The following IRAG2 variants were observed in gnomAD, a reference collection of about 807,000 sequenced individuals.
IRAG2 encodes lymphoid restricted membrane protein.
A neutral mutation model predicts 69.9 loss-of-function variants in IRAG2; 45 were observed. The observed-to-expected ratio is 0.64, with a 90% CI of 0.51 to 0.83. IRAG2 has a LOEUF of 0.83. Ranked by LOEUF, IRAG2 falls within the 40% of genes least tolerant of loss-of-function variation. The pLI is 0.00. For synonymous variants in IRAG2, 193 were observed against 202.4 expected (o/e 0.95, Z 0.40); for missense variants, 520 against 587.0 (o/e 0.89, Z 1.18).
rs768998142 is a variant in IRAG2, at chr12:25,079,791, T to G, written c.244+28T>G. Reference sequence around the variant, plus strand: ...AAAATGTTGACAGGTGTAAGCATGATTTTAATTCTAAAACACGAAGCAAGT... The same window carrying G: ...AAAATGTTGACAGGTGTAAGCATGAGTTTAATTCTAAAACACGAAGCAAGT... On this transcript the variant is annotated intron_variant, in intron 9 of 21. Coordinates refer to ENST00000556887, the MANE Select transcript of IRAG2 (RefSeq NM_001366544.2). The G allele has an allele frequency of 8.3e-6, 12 of 1,445,002 alleles. 1 individual carries two copies. In the South Asian group the frequency reaches 9.2e-5, roughly 11 times the overall value. 89.5% of individuals were successfully genotyped at this position (1,445,002 alleles called of 1,614,324 possible). A position where few individuals can be genotyped will look rare whatever the true frequency, so the allele number is the denominator to read the frequency against.
chr12:25,107,273 T>C (rs1234892739), intron 21 of IRAG2, among the ~76,000 whole-genome samples: 2 of 152,224 alleles, frequency 1.3e-5, no homozygotes, highest in African/African-American at 4.8e-5. Flanking sequence ...TGTTATATTC[T>C]ATTTTATGTT....
chr12:25,012,322 T>C (rs1466721924), intron 3 of IRAG2, among the ~76,000 whole-genome samples: 1 of 151,406 alleles, frequency 6.6e-6, no homozygotes, highest in Non-Finnish European at 1.5e-5. Flanking sequence ...GCCCGGCTAA[T>C]GCTTGTATTT....
chr12:25,017,168 C>T, exon 6 of IRAG2: 1 of 1,231,892 alleles, frequency 8.1e-7, no homozygotes, highest in Non-Finnish European at 1.0e-6. Flanking sequence ...CGTAGCAGAC[C>T]TTCATTTCAA....
intron 15 of IRAG2, among the ~76,000 whole-genome samples, chr12:25,098,320 C>G (rs1300521923): frequency 6.6e-6 from 1 of 152,194 alleles, no homozygotes; most frequent in African/African-American, 2.4e-5. Flanking sequence ...AATTTCCCAC[C>G]CTTTCCTTTC....
At chr12:25,008,115 A>T (rs1029556510) in intron 2 of IRAG2, among the ~76,000 whole-genome samples, 1 of 152,182 alleles carries the variant, frequency 6.6e-6, no homozygotes, top group Admixed American at 6.5e-5. Context: ...TTGATGATGA[A>T]GGCCTAGACC....
At chr12:25,084,731 A>G (rs1036740154) in intron 10 of IRAG2, among the ~76,000 whole-genome samples, 2 of 152,192 alleles carry the variant, frequency 1.3e-5, no homozygotes, top group African/African-American at 4.8e-5. Flanking sequence ...TTCTAAAGAT[A>G]GTGAAATGAT....
rs1053359930 is a variant in IRAG2 at position 25,106,854 on chromosome 12, T to C, written c.1149-89T>C. On this transcript the variant is annotated intron_variant, in intron 20 of 21. Coordinates refer to ENST00000556887, the MANE Select transcript of IRAG2 (RefSeq NM_001366544.2). ...ACAGAACAAATATTTGTGAGCCTCTTGAGTTACAGTAAGATTCAGCAATAT... is the reference window on the plus strand; with the variant it reads ...ACAGAACAAATATTTGTGAGCCTCTCGAGTTACAGTAAGATTCAGCAATAT... The C allele has an allele frequency of 3.3e-5, 16 of 478,728 alleles. No homozygotes were observed. The Admixed American group carries it at 4.2e-4, about 13-fold the overall frequency. 29.7% of individuals were successfully genotyped at this position (478,728 alleles called of 1,614,324 possible). A position where few individuals can be genotyped will look rare whatever the true frequency, so the allele number is the denominator to read the frequency against.
At chr12:25,008,494 T>A (rs1417043893) in intron 2 of IRAG2, among the ~76,000 whole-genome samples, 1 of 152,102 alleles carries the variant, frequency 6.6e-6, no homozygotes, top group Non-Finnish European at 1.5e-5. Context: ...ATCCCAGCAC[T>A]TTGGGAGGCT....
At chr12:25,047,156 A>G (rs1385166139) in intron 16 of IRAG2, among the ~76,000 whole-genome samples, 1 of 152,214 alleles carries the variant, frequency 6.6e-6, no homozygotes, top group Non-Finnish European at 1.5e-5. Context: ...CTCTTATACC[A>G]TAAACAAAAA....
At chr12:25,025,171 A>G (rs904543407) in intron 8 of IRAG2, among the ~76,000 whole-genome samples, 3 of 152,244 alleles carry the variant, frequency 2.0e-5, no homozygotes, top group Non-Finnish European at 2.9e-5. Flanking sequence ...CTAGTATGTT[A>G]GACGGTAAAA....
At chr12:25,043,340 G>A (rs1323642184) in intron 16 of IRAG2, among the ~76,000 whole-genome samples, 1 of 152,160 alleles carries the variant, frequency 6.6e-6, no homozygotes, top group Non-Finnish European at 1.5e-5. Context: ...CAGCTTTCCT[G>A]GGGGCTGCCT....
At chr12:25,056,990 C>T (rs1295408675) in intron 1 of IRAG2, among the ~76,000 whole-genome samples, 2 of 152,178 alleles carry the variant, frequency 1.3e-5, no homozygotes, top group African/African-American at 2.4e-5. Context: ...CATACTCCCT[C>T]CTGTGTTCAC....
At chr12:25,096,198 G>T (rs1383365635) in intron 14 of IRAG2, among the ~76,000 whole-genome samples, 3 of 152,094 alleles carry the variant, frequency 2.0e-5, no homozygotes, top group Non-Finnish European at 2.9e-5. Context: ...ATTTACAGTC[G>T]GTGGTGCCTA....
intron 6 of IRAG2, chr12:25,020,773 T>C: frequency 8.5e-7 from 1 of 1,177,648 alleles, no homozygotes; most frequent in Non-Finnish European, 1.1e-6. Context: ...CATGGCCTTC[T>C]CCCCCCACCC....
At chr12:25,096,792 A>G (rs1177462416) in intron 14 of IRAG2, 118 bp from the exon 15 acceptor site, 6 of 744,220 alleles carry the variant, frequency 8.1e-6, no homozygotes, top group Admixed American at 2.6e-5. Context: ...GCTTCTTTTC[A>G]TCTTCCACCG....
upstream of IRAG2, chr12:25,052,539 T>C (rs1012014321): frequency 2.5e-6 from 1 of 396,576 alleles, no homozygotes; most frequent in Non-Finnish European, 4.4e-6. Context: ...AGAGGCGGTA[T>C]CAACAGCCTG....
upstream of IRAG2, among the ~76,000 whole-genome samples, chr12:25,001,971 A>T (rs1454467815): frequency 1.3e-5 from 2 of 151,832 alleles, no homozygotes; most frequent in South Asian, 2.1e-4. Context: ...GGGTTTCATC[A>T]TGTTGGTCAG....
intron 1 of IRAG2, among the ~76,000 whole-genome samples, chr12:25,053,941 G>A (rs1945047317): frequency 6.6e-6 from 1 of 152,084 alleles, no homozygotes; most frequent in African/African-American, 2.4e-5. Flanking sequence ...TTTTAAAATA[G>A]CAATGGTTTG....
At chr12:25,069,559 G>A (rs887335212) in intron 6 of IRAG2, 128 bp downstream of exon 6, 40 of 796,640 alleles carry the variant, frequency 5.0e-5, no homozygotes, top group Non-Finnish European at 6.2e-5. Context: ...GCAAGTCTGA[G>A]TCTGCTATTC....
Sources: gnomAD v4.1 joint callset for allele counts (sites outside exome capture counted in the v4.1 genomes callset) on GRCh38, gnomAD v4.1.1 for gene constraint, MANE v1.5 for transcripts, NCBI Gene and HGNC (gene_info 2026-07-23, HGNC 2026-07-21) for gene names.